The following TRAPPC10 variants were observed in gnomAD, a reference collection of about 807,000 sequenced individuals.
TRAPPC10 encodes trafficking protein particle complex subunit 10.
A neutral mutation model predicts 125.5 loss-of-function variants in TRAPPC10; 23 were observed. That is an observed-to-expected ratio of 0.18 (90% CI 0.13 to 0.26). The LOEUF is 0.26. Among genes scored for constraint, TRAPPC10 ranks in the 10% least tolerant of loss-of-function variants. The pLI is 1.00. For missense variants in TRAPPC10, 1,123 were observed against 1,308.4 expected (o/e 0.86, Z 2.19); for synonymous variants, 509 against 518.0 (o/e 0.98, Z 0.24).
rs1237166626 is a variant in TRAPPC10, at chr21:44,087,054, T to G, written c.2539+94T>G. 1 of 1,444,102 alleles carries G rather than the reference T, an allele frequency of 6.9e-7. No individual in the cohort carries two copies. The highest frequency in any genetic ancestry group is 9.5e-7 in the Non-Finnish European group (1 of 1,056,540). The allele number at this position is 1,444,102 out of a possible 1,614,324, so 89.5% of individuals were successfully genotyped here. A position where few individuals can be genotyped will look rare whatever the true frequency, so the allele number is the denominator to read the frequency against. ...GAGCCTGGCCTTGCTGCCATCCTGC[T>G]GAGCGCCCCTCAACAGTGTCTGGAG... is the stretch of plus-strand genomic sequence containing the variant. On this transcript the variant is annotated intron_variant, in intron 16 of 22. Transcript: ENST00000291574. The surrounding 1 kb of genome is among the most constrained non-coding windows in gnomAD (Gnocchi z 4.6).
At chr21:44,030,550 C>G (rs1410052038) in intron 1 of TRAPPC10, among the ~76,000 whole-genome samples, 1 of 151,980 alleles carries the variant, frequency 6.6e-6, no homozygotes, top group East Asian at 1.9e-4. Context: ...TCACTGCAAC[C>G]TCCGCCTTCC....
chr21:44,092,950 A>G (rs899665686), intron 19 of TRAPPC10, among the ~76,000 whole-genome samples: 3 of 152,044 alleles, frequency 2.0e-5, no homozygotes, highest in African/African-American at 7.2e-5. Context: ...GCACCCGCCA[A>G]CACGCCCAGC....
chr21:44,076,146 CTG>C (rs1201851473), intron 9 of TRAPPC10, among the ~76,000 whole-genome samples: 2 of 152,020 alleles, frequency 1.3e-5, no homozygotes, highest in Admixed American at 6.6e-5. Flanking sequence ...TTTAGCAAGA[CTG>C]TTGCTAAAGA....
At chr21:44,041,407 G>C (rs891799738) in intron 3 of TRAPPC10, among the ~76,000 whole-genome samples, 1 of 151,050 alleles carries the variant, frequency 6.6e-6, no homozygotes, top group Non-Finnish European at 1.5e-5. Flanking sequence ...ATGGAGTTTC[G>C]CTCTTCTTGC....
chr21:44,069,474 A>T (rs1335428151), intron 7 of TRAPPC10, among the ~76,000 whole-genome samples: 2 of 152,208 alleles, frequency 1.3e-5, no homozygotes, highest in African/African-American at 2.4e-5. Context: ...ACACACCACC[A>T]GAATGGCCAG....
intron 11 of TRAPPC10, among the ~76,000 whole-genome samples, chr21:44,078,558 G>A (rs1291181780): frequency 6.6e-6 from 1 of 152,176 alleles, no homozygotes; most frequent in African/African-American, 2.4e-5. Context: ...GGCTGGAAAG[G>A]GATTCTTAGA....
intron 5 of TRAPPC10, among the ~76,000 whole-genome samples, chr21:44,058,430 A>G (rs1300047892): frequency 1.3e-5 from 2 of 152,098 alleles, no homozygotes; most frequent in Non-Finnish European, 2.9e-5. Flanking sequence ...TAGATTTTGC[A>G]GGGCCTGGGG....
At chr21:44,077,156 A>G (rs1232719696) in intron 10 of TRAPPC10, among the ~76,000 whole-genome samples, 1 of 152,198 alleles carries the variant, frequency 6.6e-6, no homozygotes, top group Admixed American at 6.5e-5. Context: ...TGGAAAAGTT[A>G]GATGTTTTGG....
At chr21:44,031,440 G>A (rs1792494968) in intron 1 of TRAPPC10, among the ~76,000 whole-genome samples, 1 of 152,236 alleles carries the variant, frequency 6.6e-6, no homozygotes, top group Non-Finnish European at 1.5e-5. Flanking sequence ...TGAGCGTGCA[G>A]CGTAAAGTCG....
At chr21:44,080,267 C>T (rs895381357) in intron 13 of TRAPPC10, 140 bp downstream of exon 13, 1 of 714,418 alleles carries the variant, frequency 1.4e-6, no homozygotes, top group Admixed American at 2.8e-5. Context: ...ATGTCTTTCA[C>T]CTGACTTTTT....
At chr21:44,043,424 G>A (rs1213220350) in intron 3 of TRAPPC10, among the ~76,000 whole-genome samples, 1 of 151,880 alleles carries the variant, frequency 6.6e-6, no homozygotes, top group Admixed American at 6.6e-5. Context: ...ATATTGGCCA[G>A]GCTGGTCTCA....
chr21:44,091,671 C>T, intron 18 of TRAPPC10: 1 of 348,768 alleles, frequency 2.9e-6, no homozygotes, highest in Admixed American at 4.0e-5. Flanking sequence ...ATCTCCTGAC[C>T]TCATAATCTG....
Position 44,083,256 on chromosome 21 carries a change from A to G in TRAPPC10, c.2192A>G (p.His731Arg), listed in dbSNP as rs1468125345. The G allele has an allele frequency of 1.9e-6, 3 of 1,614,092 alleles. No homozygotes were observed. Among genetic ancestry groups the G allele is most frequent in the Admixed American group, 1.7e-5 (1 of 60,020 alleles). ...GGTGCCCACGTGCTGAGGTGCAGCCACGTGACCCTGGAACCAGGGGCCAAC... is the reference window on the plus strand; with the variant it reads ...GGTGCCCACGTGCTGAGGTGCAGCCGCGTGACCCTGGAACCAGGGGCCAAC... ...EEGAHVLRCS[H>R]VTLEPGANQI... The change falls in exon 14 of 23, where the codon CAC (histidine) becomes CGC (arginine). Residue 731 changes from histidine (H) to arginine (R), a missense_variant. Physicochemically the swap from His to Arg is conservative, Grantham distance 29. Coordinates refer to ENST00000291574, the MANE Select transcript of TRAPPC10 (RefSeq NM_003274.5).
intron 1 of TRAPPC10, among the ~76,000 whole-genome samples, chr21:44,020,268 A>G (rs2032362871): frequency 6.6e-6 from 1 of 151,578 alleles, no homozygotes; most frequent in African/African-American, 2.4e-5. Context: ...CTGGGACTAC[A>G]GGCGCCCACC....
At chr21:44,028,478 C>G (rs1042198322) in intron 1 of TRAPPC10, among the ~76,000 whole-genome samples, 1 of 152,192 alleles carries the variant, frequency 6.6e-6, no homozygotes, top group Non-Finnish European at 1.5e-5. Flanking sequence ...GCCTGCTGTT[C>G]AGCCAGGGTG....
chr21:44,032,379 C>CTTTTTTTTTTTTTT lies in TRAPPC10; in HGVS notation c.149+215_149+228dup, dbSNP rs1200011844. Reference sequence around the variant, plus strand: ...ATTCTTTATGGAATGCCATGGTTTTCTTTTTTTTTTTTTTTTTTTTTGAGA... The same window carrying CTTTTTTTTTTTTTT: ...ATTCTTTATGGAATGCCATGGTTTTCTTTTTTTTTTTTTTTTTTTTTTTTTTTTTTTTTTTGAGA... On this transcript the variant is annotated intron_variant, in intron 2 of 22. Transcript: ENST00000291574. 2.8e-5 allele frequency among the ~76,000 whole-genome samples: 3 copies of CTTTTTTTTTTTTTT among 108,470 alleles called. 1 individual carries two copies. Among genetic ancestry groups the CTTTTTTTTTTTTTT allele is most frequent in the African/African-American group, 7.1e-5 (2 of 27,998 alleles). The allele number at this position is 108,470 out of a possible 152,430, so 71.2% of individuals were successfully genotyped here. A position where few individuals can be genotyped will look rare whatever the true frequency, so the allele number is the denominator to read the frequency against.
chr21:44,073,239 T>A (rs2146009180), intron 7 of TRAPPC10, among the ~76,000 whole-genome samples: 1 of 152,306 alleles, frequency 6.6e-6, no homozygotes, highest in South Asian at 2.1e-4. Context: ...TCCAGGTCCT[T>A]TATTTGTGCT....
intron 3 of TRAPPC10, among the ~76,000 whole-genome samples, chr21:44,049,871 T>C (rs1199072553): frequency 7.9e-6 from 1 of 127,108 alleles, no homozygotes; most frequent in African/African-American, 4.4e-5. Flanking sequence ...CTTTGTTTTC[T>C]TTCTTTCTTT....
At chr21:44,019,387 C>T (rs1231259970) in intron 1 of TRAPPC10, among the ~76,000 whole-genome samples, 3 of 152,168 alleles carry the variant, frequency 2.0e-5, no homozygotes, top group Non-Finnish European at 4.4e-5. Context: ...ATTCCCACCT[C>T]AGTGCCTGCC....
Sources: gnomAD v4.1 joint callset for allele counts (sites outside exome capture counted in the v4.1 genomes callset) on GRCh38, gnomAD v4.1.1 for gene constraint, Gnocchi (gnomAD v3.1) non-coding constraint, MANE v1.5 for transcripts, NCBI Gene and HGNC (gene_info 2026-07-23, HGNC 2026-07-21) for gene names.